DIS3: variants seen among roughly 807,000 people sequenced by gnomAD.
DIS3 encodes DIS3 exosome endoribonuclease and 3'-5' exoribonuclease.
A neutral mutation model predicts 113.0 loss-of-function variants in DIS3; 103 were observed. That is an observed-to-expected ratio of 0.91 (90% CI 0.78 to 1.07). The LOEUF (loss-of-function observed/expected upper bound fraction) is 1.07. DIS3 is among the 50% of genes least tolerant of loss of function. The pLI, the probability that DIS3 is intolerant of heterozygous loss-of-function variation, is 0.00. For missense variants in DIS3, 1,121 were observed against 1,167.1 expected (o/e 0.96, Z 0.58); for synonymous variants, 402 against 394.3 (o/e 1.02, Z -0.23).
chr13:72,768,430 A>C (rs1027315193), intron 14 of DIS3, among the ~76,000 whole-genome samples: 2 of 152,188 alleles, frequency 1.3e-5, no homozygotes, highest in Admixed American at 6.5e-5. Context: ...CGGCTGGATC[A>C]CCTGAGGTCA....
At chr13:72,773,896 T>C (rs766701138) in intron 7 of DIS3, 50 bp downstream of exon 7, 2 of 1,587,912 alleles carry the variant, frequency 1.3e-6, no homozygotes, top group Non-Finnish European at 1.7e-6. Flanking sequence ...CTATAAGTTC[T>C]ATTAAATGTT....
chr13:72,755,878 T>C lies in DIS3; in HGVS notation c.*3917A>G, dbSNP rs2033451345. The C allele has an allele frequency of 2.5e-6, 1 of 398,424 alleles. No homozygotes were observed. Among genetic ancestry groups the C allele is most frequent in the Non-Finnish European group, 4.4e-6 (1 of 226,048 alleles). 24.7% of individuals were successfully genotyped at this position (398,424 alleles called of 1,614,324 possible). A position where few individuals can be genotyped will look rare whatever the true frequency, so the allele number is the denominator to read the frequency against. On this transcript the variant is annotated 3_prime_UTR_variant, in exon 21 of 21. Transcript: ENST00000377767. ...AATGTGTGGTGCCCAGAATAAAATA[T>C]ACCTCATGCCTAGGGTAGGGACATC... is the stretch of plus-strand genomic sequence containing the variant.
At position 72,756,835 on chromosome 13, in the gene DIS3, G is replaced by GA. The variant is rs1426787025; in HGVS notation, c.*2959dup. 1.3e-5 allele frequency: 2 copies of GA among 152,232 alleles called. No homozygotes were observed. Among genetic ancestry groups the GA allele is most frequent in the African/African-American group, 4.8e-5 (2 of 41,438 alleles). The allele number at this position is 152,232 out of a possible 1,614,324, so 9.4% of individuals were successfully genotyped here. On this transcript the variant is annotated 3_prime_UTR_variant, in exon 21 of 21. Transcript: ENST00000377767. ...GTCCTGAGGCCTCACCAGCAATGCG[G>GA]AACTGAGTCCATTAAACCTCTTTCC...
rs758829392 is a variant in DIS3 at position 72,762,089 on chromosome 13, C to G, written c.2176G>C (p.Asp726His). Residue 726 changes from aspartate to histidine, a missense_variant, in exon 17 of 21, where the codon GAT becomes CAT. By Grantham distance (81) the Asp-to-His change is moderately conservative. This residue lies in a region of DIS3 where 861 missense variants were observed against 915.5 expected (regional missense o/e 0.94). Transcript: ENST00000377767. Reference protein sequence around the residue: ...DTAKSLAESLDQAESPTFPYL... With the variant: ...DTAKSLAESLHQAESPTFPYL... ...GGAAAAGTAGGAGATTCGGCCTGATCCAAAGACTCAGCCAAAGACTTGGCT... is the reference window on the plus strand; with the variant it reads ...GGAAAAGTAGGAGATTCGGCCTGATGCAAAGACTCAGCCAAAGACTTGGCT... The G allele has an allele frequency of 3.7e-6, 6 of 1,613,894 alleles. No individual in the cohort carries two copies. The African/African-American group carries it at 6.7e-5, about 18-fold the overall frequency.
chr13:72,762,090 CA>C lies in DIS3; in HGVS notation c.2174del (p.Leu725TrpfsTer12). ...GAAAAGTAGGAGATTCGGCCTGATC[CA>C]AAGACTCAGCCAAAGACTTGGCTGT... The part of the protein sequence containing the change: ...TDTAKSLAES[L>X]DQAESPTFPY... On this transcript the variant is annotated frameshift_variant, in exon 17 of 21. Coordinates refer to ENST00000377767, the MANE Select transcript of DIS3 (RefSeq NM_014953.5). LOFTEE classifies it high-confidence loss of function. The C allele has an allele frequency of 6.2e-7, 1 of 1,614,012 alleles. No individual in the cohort carries two copies. The highest frequency in any genetic ancestry group is 1.1e-5 in the South Asian group (1 of 91,074).
intron 10 of DIS3, 126 bp downstream of exon 10, chr13:72,772,033 C>A: frequency 8.3e-7 from 1 of 1,199,418 alleles, no homozygotes. Flanking sequence ...TGACATATGG[C>A]CAATAGCGTG....
At chr13:72,770,044 G>A (rs970449910) in intron 13 of DIS3, among the ~76,000 whole-genome samples, 11 of 152,136 alleles carry the variant, frequency 7.2e-5, no homozygotes, top group Admixed American at 2.0e-4. Flanking sequence ...AAATCCAATG[G>A]TGACTTAAAC....
chr13:72,780,914 A>C lies in DIS3; in HGVS notation c.318T>G (p.Tyr106Ter). 3 of 1,613,420 alleles carry C rather than the reference A, an allele frequency of 1.9e-6. No individual in the cohort carries two copies. Among genetic ancestry groups the C allele is most frequent in the Non-Finnish European group, 2.5e-6 (3 of 1,179,866 alleles). ...TATTAGTCACATCTCGGATGCGTTT[A>C]TATACGGGGGCACTGCGATTTCTCA... ...QEVRNRSAPV[Y>*]KRIRDVTNNQ... The change falls in exon 2 of 21, where the codon TAT becomes TAG. Residue 106 changes from tyrosine to a stop codon, truncating the protein, a stop_gained. Coordinates refer to ENST00000377767, the MANE Select transcript of DIS3 (RefSeq NM_014953.5). LOFTEE classifies it high-confidence loss of function.
At chr13:72,779,468 T>A (rs2034101313) in intron 2 of DIS3, among the ~76,000 whole-genome samples, 1 of 152,098 alleles carries the variant, frequency 6.6e-6, no homozygotes, top group Non-Finnish European at 1.5e-5. Context: ...ATTTTTGAAT[T>A]GGTTTTAAAC....
intron 15 of DIS3, among the ~76,000 whole-genome samples, chr13:72,765,036 T>G (rs1226287848): frequency 6.6e-6 from 1 of 152,146 alleles, no homozygotes; most frequent in Non-Finnish European, 1.5e-5. Flanking sequence ...TTTTAACCCT[T>G]GGTCATCTAT....
In DIS3 at chr13:72,759,596, ATAAT is replaced by A; in HGVS notation, c.*195_*198del. 2.0e-6 allele frequency: 1 copy of A among 509,252 alleles called. No homozygotes were observed. Among genetic ancestry groups the A allele is most frequent in the East Asian group, 3.2e-5 (1 of 31,286 alleles). The allele number at this position is 509,252 out of a possible 1,614,324, so 31.5% of individuals were successfully genotyped here. Reference sequence around the variant, plus strand: ...TATTCAATTGAATTATTCTGCATAAATAATTCTGTTCAACCCAGAAGTATAGTAG... The same window carrying A: ...TATTCAATTGAATTATTCTGCATAAATCTGTTCAACCCAGAAGTATAGTAG... On this transcript the variant is annotated 3_prime_UTR_variant, in exon 21 of 21. Transcript: ENST00000377767.
chr13:72,781,818 C>T lies in DIS3; in HGVS notation c.15G>A (p.Lys5=). The change falls in exon 1 of 21, where the codon AAG becomes AAA. Residue 5 remains lysine, a synonymous_variant. Coordinates refer to ENST00000377767, the MANE Select transcript of DIS3 (RefSeq NM_014953.5). ...CCGCCCGGGTCTTTTTTAAGAACGT[C>T]TTGGACTTGAGCATCTTGCCTCGCC... is the stretch of plus-strand genomic sequence containing the variant. MLKS[K]TFLKKTRAGG... is the part of the protein sequence containing the mutation. 1.3e-6 allele frequency: 2 copies of T among 1,595,514 alleles called. No homozygotes were observed. Among genetic ancestry groups the T allele is most frequent in the East Asian group, 2.3e-5 (1 of 44,166 alleles).
In DIS3 at chr13:72,774,074, T is replaced by C. The variant is rs2033951254; in HGVS notation, c.988-15A>G. On this transcript the variant is annotated splice_polypyrimidine_tract_variant and intron_variant, in intron 6 of 20. Coordinates refer to ENST00000377767, the MANE Select transcript of DIS3 (RefSeq NM_014953.5). Reference sequence around the variant, plus strand: ...GCAGTCTTAAGCTGAGATATAAAAATTAAAATGTTCAGTTATATTCCTCTA... The same window carrying C: ...GCAGTCTTAAGCTGAGATATAAAAACTAAAATGTTCAGTTATATTCCTCTA... 1 of 1,546,170 alleles carries C rather than the reference T, an allele frequency of 6.5e-7. No homozygotes were observed. Among genetic ancestry groups the C allele is most frequent in the African/African-American group, 1.4e-5 (1 of 71,970 alleles).
At chr13:72,762,161 G>C (rs781291293) in intron 16 of DIS3, 24 bp from the exon 17 acceptor site, 1 of 1,588,352 alleles carries the variant, frequency 6.3e-7, no homozygotes, top group Non-Finnish European at 8.6e-7. Flanking sequence ...GGAGGGAAGA[G>C]CACCATATTA....
rs914897570 is a variant in DIS3, at chr13:72,753,183, A to C, written c.*6612T>G. On this transcript the variant is annotated 3_prime_UTR_variant, in exon 21 of 21. Coordinates refer to ENST00000377767, the MANE Select transcript of DIS3 (RefSeq NM_014953.5). The stretch of plus-strand genomic sequence containing the variant: ...CTTTCTTTTTTGCTCTTTTGCACTG[A>C]AACAGTGTATCTTAGGATGCTACAA... 1 of 152,296 alleles carries C rather than the reference A, an allele frequency of 6.6e-6. No individual in the cohort carries two copies. The highest frequency in any genetic ancestry group is 2.4e-5 in the African/African-American group (1 of 41,462). 9.4% of individuals were successfully genotyped at this position (152,296 alleles called of 1,614,324 possible). A position where few individuals can be genotyped will look rare whatever the true frequency, so the allele number is the denominator to read the frequency against.
In DIS3 at chr13:72,776,049, G is replaced by A; in HGVS notation, c.698C>T (p.Pro233Leu). The change falls in exon 5 of 21, where the codon CCC becomes CTC. Residue 233 changes from proline to leucine, a missense_variant. Around this residue, in one of 3 missense-constraint regions of DIS3, gnomAD observed 861 missense variants for 915.5 expected, o/e 0.94. Transcript: ENST00000377767. ...SGKIIFSEHL[P>L]LSKLQQGIKS... ...TATGCCTTGCTGTAGCTTACTTAAG[G>A]GAAGATGCTCTGAAAATATTATTTT... The A allele has an allele frequency of 1.2e-6, 2 of 1,601,474 alleles. No individual in the cohort carries two copies. Among genetic ancestry groups the A allele is most frequent in the Non-Finnish European group, 1.7e-6 (2 of 1,176,476 alleles).
At chr13:72,767,612 A>G (rs9543113) in intron 14 of DIS3, among the ~76,000 whole-genome samples, 71,466 of 152,048 alleles carry the variant, frequency 0.47, 18,352 homozygotes, top group African/African-American at 0.68. Context: ...ACTGTCCAAC[A>G]GAACGTTCTG....
At position 72,772,132 on chromosome 13, in the gene DIS3, G is replaced by A. The variant is rs755264036; in HGVS notation, c.1503+27C>T. On this transcript the variant is annotated intron_variant, in intron 10 of 20. Coordinates refer to ENST00000377767, the MANE Select transcript of DIS3 (RefSeq NM_014953.5). ...TGAACTCAGAACAGAACTATATTTA[G>A]GTAAGAACACTATTACATATGAATA... 2.1e-5 allele frequency: 33 copies of A among 1,550,934 alleles called. 2 individuals are homozygous for A. In the South Asian group the frequency reaches 3.8e-4, roughly 18 times the overall value.
intron 16 of DIS3, among the ~76,000 whole-genome samples, chr13:72,762,685 T>C (rs964233008): frequency 1.7e-4 from 26 of 152,220 alleles, no homozygotes; most frequent in African/African-American, 5.8e-4. Flanking sequence ...CACCCCTAAA[T>C]GAAAATCTAC....
Sources: gnomAD v4.1 joint callset for allele counts (sites outside exome capture counted in the v4.1 genomes callset) on GRCh38, gnomAD v4.1.1 for gene constraint, gnomAD v4.1.1 regional missense constraint, MANE v1.5 for transcripts, NCBI Gene and HGNC (gene_info 2026-07-23, HGNC 2026-07-21) for gene names.